Variants in CDKN2A observed in about 807,000 individuals in gnomAD.
CDKN2A encodes the protein cyclin-dependent kinase inhibitor 2A.
In CDKN2A, 3 loss-of-function variants were observed where a neutral mutation model predicts 11.1. The observed-to-expected ratio is 0.27, with a 90% CI of 0.12 to 0.70. CDKN2A has a LOEUF of 0.70. Ranked by LOEUF, CDKN2A falls within the 30% of genes least tolerant of loss-of-function variation. The probability of loss-of-function intolerance (pLI) is 0.77; values close to 1 mark genes in which losing one functional copy is unlikely to be tolerated. For missense variants in CDKN2A, 265 were observed against 233.6 expected (o/e 1.13, Z -0.88); for synonymous variants, 122 against 108.1 (o/e 1.13, Z -0.80).
intron 1 of CDKN2A, among the ~76,000 whole-genome samples, chr9:21,973,600 T>C (rs1193010969): frequency 1.3e-5 from 2 of 152,176 alleles, no homozygotes; most frequent in African/African-American, 4.8e-5. Context: ...AATCCTCCCC[T>C]AACTCCCTCA....
rs762397298 is a variant in CDKN2A, at chr9:21,971,134, G to A, written c.225C>T (p.Pro75=). The change falls in exon 2 of 3, where the codon CCC becomes CCT. Residue 75 remains proline, a synonymous_variant. Coordinates refer to ENST00000304494, the MANE Select transcript of CDKN2A (RefSeq NM_000077.5). ...CGTGCACGGGTCGGGTGAGAGTGGC[G>A]GGGTCGGCGCAGTTGGGCTCCGCGC... is the stretch of plus-strand genomic sequence containing the variant. ...LHGAEPNCAD[P]ATLTRPVHDA... The A allele has an allele frequency of 3.1e-6, 5 of 1,596,352 alleles. No individual in the cohort carries two copies. Among genetic ancestry groups the A allele is most frequent in the East Asian group, 2.2e-5 (1 of 44,472 alleles).
chr9:21,969,007 T>C (rs1364063414), intron 2 of CDKN2A, among the ~76,000 whole-genome samples: 1 of 152,208 alleles, frequency 6.6e-6, no homozygotes, highest in East Asian at 1.9e-4. Flanking sequence ...TTGCATTAGA[T>C]TCTCCGACCA....
chr9:21,979,177 G>C (rs1339378295), upstream of CDKN2A, among the ~76,000 whole-genome samples: 1 of 152,208 alleles, frequency 6.6e-6, no homozygotes, highest in African/African-American at 2.4e-5. Context: ...GATGTGCAAA[G>C]GCATAGAAGT....
At chr9:21,987,657 C>CA (rs1454285009) in intron 2 of CDKN2A, among the ~76,000 whole-genome samples, 1 of 151,976 alleles carries the variant, frequency 6.6e-6, no homozygotes, top group African/African-American at 2.4e-5. Context: ...CCAATTCATA[C>CA]AAAGGGTCAC....
At chr9:21,972,760 G>T (rs1819826624) in intron 1 of CDKN2A, among the ~76,000 whole-genome samples, 1 of 152,144 alleles carries the variant, frequency 6.6e-6, no homozygotes, top group African/African-American at 2.4e-5. Flanking sequence ...TTTCCAGAGA[G>T]GAATTTTAAA....
rs530846411 is a variant in CDKN2A, at chr9:21,995,241, C to A, written c.-596G>T. ...CCAGCTGCCCGCGTCGCCGAGGGCG[C>A]CTGGCTGGGACAAGCACCGAGTCCT... On this transcript the variant is annotated 5_prime_UTR_variant, in exon 1 of 4. Transcript: ENST00000494262. The surrounding 1 kb of genome is among the most constrained non-coding windows in gnomAD (Gnocchi z 5.7). The A allele has an allele frequency of 2.0e-5, 3 of 152,408 alleles. No homozygotes were observed. The South Asian group carries it at 6.2e-4, about 32-fold the overall frequency. The allele number at this position is 152,408 out of a possible 1,614,324, so 9.4% of individuals were successfully genotyped here.
At chr9:21,977,041 A>T (rs2131119455), upstream of CDKN2A, among the ~76,000 whole-genome samples, 1 of 152,358 alleles carries the variant, frequency 6.6e-6, no homozygotes, top group South Asian at 2.1e-4. Flanking sequence ...TTGTAGACCC[A>T]GTATATCTTG....
Position 21,974,325 on chromosome 9 carries a change from C to T in CDKN2A, c.150+353G>A, listed in dbSNP as rs1819918383. 3.2e-6 allele frequency: 4 copies of T among 1,231,920 alleles called. No homozygotes were observed. The East Asian group carries it at 9.4e-5, about 29-fold the overall frequency. 76.3% of individuals were successfully genotyped at this position (1,231,920 alleles called of 1,614,324 possible). ...ATCTGTGAATTGGAGGCTAAGTAGT[C>T]CCAGCACATCTTACATTTCTTTAAG... is the stretch of plus-strand genomic sequence containing the variant. On this transcript the variant is annotated intron_variant, in intron 1 of 2. Transcript: ENST00000304494. The surrounding 1 kb of genome is among the most constrained non-coding windows in gnomAD (Gnocchi z 5.2).
chr9:21,994,424 G>C (rs770015235), intron 1 of CDKN2A: 1 of 1,597,046 alleles, frequency 6.3e-7, no homozygotes, highest in South Asian at 1.1e-5. Flanking sequence ...CTTAACTGCA[G>C]ACTGGGACCC....
At chr9:21,982,286 A>G (rs1820212904) in intron 2 of CDKN2A, among the ~76,000 whole-genome samples, 5 of 152,182 alleles carry the variant, frequency 3.3e-5, no homozygotes, top group Admixed American at 2.0e-4. Flanking sequence ...CATCTTCCCA[A>G]GAATATTTTG....
intron 2 of CDKN2A, chr9:21,993,809 G>C: frequency 1.3e-5 from 4 of 312,000 alleles, no homozygotes; most frequent in South Asian, 6.4e-5. Context: ...CTGTGTGTGT[G>C]TGTGTGTGTG....
chr9:21,994,397 A>G (rs1179033900), intron 1 of CDKN2A: 2 of 1,607,434 alleles, frequency 1.2e-6, no homozygotes, highest in Non-Finnish European at 1.7e-6. Context: ...AGAGGTGAGC[A>G]GCGCCACTCC....
Position 21,994,359 on chromosome 9 carries a change from G to C in CDKN2A, c.-175-306C>G, listed in dbSNP as rs149253558. 154 of 1,606,708 alleles carry C rather than the reference G, an allele frequency of 9.6e-5. No individual in the cohort carries two copies. The highest frequency in any genetic ancestry group is 4.9e-4 in the African/African-American group (37 of 74,844). On this transcript the variant is annotated intron_variant, in intron 1 of 3. Coordinates refer to the CDKN2A transcript ENST00000494262. ...TCTCGCCGCCTCCAGGGCCGAGCTCGGCAGCCGCTGCGCCGCCCTTTGGCA... is the reference window on the plus strand; with the variant it reads ...TCTCGCCGCCTCCAGGGCCGAGCTCCGCAGCCGCTGCGCCGCCCTTTGGCA...
chr9:21,989,379 T>C (rs1820370608), intron 2 of CDKN2A: 1 of 152,120 alleles, frequency 6.6e-6, no homozygotes, highest in Admixed American at 6.5e-5. Context: ...TAATCAATGA[T>C]TTCATTTGAA....
At chr9:21,969,164 TAGG>T (rs1300619783) in intron 2 of CDKN2A, among the ~76,000 whole-genome samples, 6 of 152,236 alleles carry the variant, frequency 3.9e-5, no homozygotes, top group African/African-American at 1.4e-4. Flanking sequence ...CCCAGTACTT[TAGG>T]AGGAGGAGGG....
chr9:21,993,979 C>A, exon 2 of CDKN2A: 1 of 782,194 alleles, frequency 1.3e-6, no homozygotes, highest in Non-Finnish European at 2.1e-6. Flanking sequence ...ACTGCGAGAA[C>A]CACATGTCTA....
At position 21,974,735 on chromosome 9, in the gene CDKN2A, C is replaced by T. The variant is rs2131112754; in HGVS notation, c.93G>A (p.Leu31=). 1.2e-6 allele frequency: 2 copies of T among 1,612,410 alleles called. No individual in the cohort carries two copies. The highest frequency in any genetic ancestry group is 1.7e-6 in the Non-Finnish European group (2 of 1,179,714). The part of the protein sequence containing the change: ...ARGRVEEVRA[L]LEAGALPNAP... Reference sequence around the variant, plus strand: ...CGTTGGGCAGCGCCCCCGCCTCCAGCAGCGCCCGCACCTCCTCTACCCGAC... The same window carrying T: ...CGTTGGGCAGCGCCCCCGCCTCCAGTAGCGCCCGCACCTCCTCTACCCGAC... Residue 31 remains leucine, a synonymous_variant, in exon 1 of 3, where the codon CTG becomes CTA. Transcript: ENST00000304494. The surrounding 1 kb of genome is among the most constrained non-coding windows in gnomAD (Gnocchi z 5.2).
In CDKN2A at chr9:21,991,710, T is replaced by A; in HGVS notation, c.-4+2172A>T. The A allele has an allele frequency of 2.0e-6, 2 of 983,074 alleles. No homozygotes were observed. Among genetic ancestry groups the A allele is most frequent in the Non-Finnish European group, 2.4e-6 (2 of 827,808 alleles). The allele number at this position is 983,074 out of a possible 1,614,324, so 60.9% of individuals were successfully genotyped here. Reference sequence around the variant, plus strand: ...TAAACCATCATAGACGGTAATAGGCTATGTTGTTGCTACCTTAGGATCATA... The same window carrying A: ...TAAACCATCATAGACGGTAATAGGCAATGTTGTTGCTACCTTAGGATCATA... On this transcript the variant is annotated intron_variant, in intron 2 of 3. Transcript: ENST00000494262. The surrounding 1 kb of genome is among the most constrained non-coding windows in gnomAD (Gnocchi z 5.2).
chr9:21,970,076 C>A (rs1004727178), intron 2 of CDKN2A, among the ~76,000 whole-genome samples: 26 of 150,388 alleles, frequency 1.7e-4, no homozygotes, highest in African/African-American at 4.9e-4. Context: ...TATTTTGTTT[C>A]AAAAAAAAAT....
Sources: gnomAD v4.1 joint callset for allele counts (sites outside exome capture counted in the v4.1 genomes callset) on GRCh38, gnomAD v4.1.1 for gene constraint, Gnocchi (gnomAD v3.1) non-coding constraint, MANE v1.5 for transcripts, NCBI Gene and HGNC (gene_info 2026-07-23, HGNC 2026-07-21) for gene names.